KIF13A: variants seen among roughly 807,000 people sequenced by gnomAD.
The protein encoded by KIF13A is kinesin-like protein KIF13A.
In KIF13A, 79 loss-of-function variants were observed where a neutral mutation model predicts 212.2. The ratio of observed to expected loss-of-function variants is 0.37; its 90% confidence interval spans 0.31 to 0.45. The LOEUF is 0.45. KIF13A is among the 20% of genes least tolerant of loss of function. KIF13A has a pLI of 1.00. For synonymous variants in KIF13A, 789 were observed against 808.6 expected, an observed-to-expected ratio of 0.98 and a Z score of 0.41; for missense variants, 1,901 against 2,209.0, an observed-to-expected ratio of 0.86 and a Z score of 2.79.
chr6:17,917,235 CTTTTTTTTTTTTTTT>C (rs71002284), intron 2 of KIF13A, among the ~76,000 whole-genome samples: 3 of 79,098 alleles, frequency 3.8e-5, no homozygotes, highest in Non-Finnish European at 4.7e-5. Context: ...TTACACGATT[CTTTTTTTTTTTTTTT>C]TTTTTTTTGA....
chr6:17,979,173 G>C (rs1284405678), intron 2 of KIF13A, among the ~76,000 whole-genome samples: 1 of 152,072 alleles, frequency 6.6e-6, no homozygotes, highest in Non-Finnish European at 1.5e-5. Flanking sequence ...CACACCTGTA[G>C]TCCCAGCTAC....
Position 17,877,332 on chromosome 6 carries a change from T to A in KIF13A, c.160-3895A>T, listed in dbSNP as rs147558912. ...ACTCTGGTTTTATAATAACCAAGTT[T>A]CAAATGAACAGTTATGAAACAATAG... On this transcript the variant is annotated intron_variant, in intron 3 of 38. Coordinates refer to ENST00000259711, the MANE Select transcript of KIF13A (RefSeq NM_022113.6). Among the ~76,000 whole-genome samples, 851 of 152,324 alleles carry A rather than the reference T, an allele frequency of 5.6e-3. 13 individuals are homozygous for A. The highest frequency in any genetic ancestry group is 0.019 in the African/African-American group (788 of 41,576).
At chr6:17,965,164 A>C (rs535159457) in intron 2 of KIF13A, among the ~76,000 whole-genome samples, 1 of 152,274 alleles carries the variant, frequency 6.6e-6, no homozygotes, top group Non-Finnish European at 1.5e-5. Context: ...CATGTGTCCC[A>C]AATGAAAAGG....
chr6:17,973,034 T>C (rs996183172), intron 2 of KIF13A, among the ~76,000 whole-genome samples: 4 of 152,138 alleles, frequency 2.6e-5, no homozygotes, highest in African/African-American at 4.8e-5. Flanking sequence ...ACAGACACAC[T>C]AACCTGAGTT....
rs554960894 is a variant in KIF13A, at chr6:17,937,748, T to G, written c.147-39568A>C. On this transcript the variant is annotated intron_variant, in intron 2 of 38. Coordinates refer to ENST00000259711, the MANE Select transcript of KIF13A (RefSeq NM_022113.6). ...CCAGCTAATTTCTTTCCTTTTTTGTTTTTTTTTTTTTGTTTTTTTGAGACG... is the reference window on the plus strand; with the variant it reads ...CCAGCTAATTTCTTTCCTTTTTTGTGTTTTTTTTTTTGTTTTTTTGAGACG... 6.6e-4 allele frequency among the ~76,000 whole-genome samples: 81 copies of G among 122,602 alleles called. 1 individual carries two copies. In the South Asian group the frequency reaches 0.017, roughly 26 times the overall value. The allele number at this position is 122,602 out of a possible 152,430, so 80.4% of individuals were successfully genotyped here. A position where few individuals can be genotyped will look rare whatever the true frequency, so the allele number is the denominator to read the frequency against.
rs1321992621 is a variant in KIF13A, at chr6:17,915,322, A to G, written c.147-17142T>C. Among the ~76,000 whole-genome samples, 1 of 152,142 alleles carries G rather than the reference A, an allele frequency of 6.6e-6. No individual in the cohort carries two copies. Among genetic ancestry groups the G allele is most frequent in the East Asian group, 1.9e-4 (1 of 5,202 alleles). ...GTAGGGACCTTGGACCTGGTGCTTA[A>G]GCTCTCAGTGCCTCAGTTACCTCAC... is the stretch of plus-strand genomic sequence containing the variant. On this transcript the variant is annotated intron_variant, in intron 2 of 38. Coordinates refer to ENST00000259711, the MANE Select transcript of KIF13A (RefSeq NM_022113.6). This position sits in a 1 kb window ranked among gnomAD's most constrained non-coding sequence, Gnocchi z 4.4.
At chr6:17,920,608 T>C (rs535496828) in intron 2 of KIF13A, among the ~76,000 whole-genome samples, 1 of 152,308 alleles carries the variant, frequency 6.6e-6, no homozygotes, top group East Asian at 1.9e-4. Context: ...GTGCGGTGGC[T>C]CACGCCTGTA....
At chr6:17,937,710 C>CA in intron 2 of KIF13A, among the ~76,000 whole-genome samples, 1 of 151,612 alleles carries the variant, frequency 6.6e-6, no homozygotes, top group Non-Finnish European at 1.5e-5. Flanking sequence ...ACCACAGGTG[C>CA]AAGCCACCAT....
intron 7 of KIF13A, among the ~76,000 whole-genome samples, chr6:17,851,663 T>C (rs1376379324): frequency 6.6e-6 from 1 of 152,262 alleles, no homozygotes; most frequent in African/African-American, 2.4e-5. Context: ...TAGAAGGATG[T>C]CACTGGCATC....
rs1367448908 is a variant in KIF13A, at chr6:17,800,065, G to T, written c.2503C>A (p.Pro835Thr). Reference protein sequence around the residue: ...VEVMRVTGAVPERVVEDDSSE... With the variant: ...VEVMRVTGAVTERVVEDDSSE... ...GAGTCATCCTCCACCACACGCTCTG[G>T]AACAGCTCCTGTAACACGCATCACT... Residue 835 changes from proline (P) to threonine (T), a missense_variant, in exon 21 of 39, where the codon CCA becomes ACA. Physicochemically the swap from Pro to Thr is conservative, Grantham distance 38 (BLOSUM62 -1). Around this residue, in one of 5 missense-constraint regions of KIF13A, gnomAD observed 534 missense variants for 536.9 expected, o/e 0.99. Transcript: ENST00000259711. The T allele has an allele frequency of 1.2e-6, 2 of 1,613,768 alleles. No homozygotes were observed. The highest frequency in any genetic ancestry group is 2.2e-5 in the East Asian group (1 of 44,880).
In KIF13A at chr6:17,808,796, G is replaced by A. The variant is rs973933871; in HGVS notation, c.2135C>T (p.Pro712Leu). The change falls in exon 18 of 39, where the codon CCT becomes CTT. Residue 712 changes from proline to leucine, a missense_variant. Pro to Leu is a moderately conservative substitution (Grantham distance 98, BLOSUM62 -3). Coordinates refer to ENST00000259711, the MANE Select transcript of KIF13A (RefSeq NM_022113.6). ...LTDYQVTLQI[P>L]AANLSANRKR... ...CCTATTGGCACTGAGGTTTGCAGCA[G>A]GGATCTGAAGAGTCACTTGGTAATC... 6.2e-7 allele frequency: 1 copy of A among 1,613,542 alleles called. No individual in the cohort carries two copies. Among genetic ancestry groups the A allele is most frequent in the African/African-American group, 1.3e-5 (1 of 74,922 alleles).
Position 17,826,908 on chromosome 6 carries a change from A to AT in KIF13A, c.1533-785dup, listed in dbSNP as rs1033388671. On this transcript the variant is annotated intron_variant, in intron 14 of 38. Coordinates refer to ENST00000259711, the MANE Select transcript of KIF13A (RefSeq NM_022113.6). This position sits in a 1 kb window ranked among gnomAD's most constrained non-coding sequence, Gnocchi z 4.7. ...AAAATCTGGAATCTACTTTAAAATA[A>AT]TTTTTTTTTCTGGGCATGGTGGTGG... 2.6e-5 allele frequency among the ~76,000 whole-genome samples: 4 copies of AT among 151,044 alleles called. No individual in the cohort carries two copies. The highest frequency in any genetic ancestry group is 6.6e-5 in the Admixed American group (1 of 15,116).
chr6:17,928,061 A>G (rs1775646182), intron 2 of KIF13A, among the ~76,000 whole-genome samples: 1 of 152,224 alleles, frequency 6.6e-6, no homozygotes, highest in East Asian at 1.9e-4. Context: ...AGAAAATGCA[A>G]TATATGAAAG....
Position 17,773,609 on chromosome 6 carries a change from T to A in KIF13A, c.4219-26A>T. ...CTACAAGGTAAAAATATGGGTTAAC[T>A]GTAATTGAATCACTCCAAAATAAGA... On this transcript the variant is annotated intron_variant, in intron 35 of 38. Transcript: ENST00000259711. This position sits in a 1 kb window ranked among gnomAD's most constrained non-coding sequence, Gnocchi z 4.2. The A allele has an allele frequency of 7.4e-7, 1 of 1,343,134 alleles. No homozygotes were observed. 83.2% of individuals were successfully genotyped at this position (1,343,134 alleles called of 1,614,324 possible).
At chr6:17,962,339 ATAAAT>A (rs1171757517) in intron 2 of KIF13A, among the ~76,000 whole-genome samples, 1 of 152,144 alleles carries the variant, frequency 6.6e-6, no homozygotes, top group Non-Finnish European at 1.5e-5. Context: ...AAACATGGTA[ATAAAT>A]TGAAGAACAG....
chr6:17,819,653 T>TA (rs1764262907), intron 16 of KIF13A, among the ~76,000 whole-genome samples: 2 of 151,908 alleles, frequency 1.3e-5, no homozygotes, highest in African/African-American at 4.8e-5. Context: ...CCTGGGTGGG[T>TA]AAAATATTAT....
In KIF13A at chr6:17,769,640, G is replaced by T. The variant is rs1581856112; in HGVS notation, c.4581+1474C>A. ...CATCCAGCAGTGTCTTGATGGTGTT[G>T]TACCAAAATGTATCGTTGCAATAGG... On this transcript the variant is annotated intron_variant, in intron 38 of 38. Transcript: ENST00000259711. The surrounding 1 kb of genome is among the most constrained non-coding windows in gnomAD (Gnocchi z 5.8). 6.6e-6 allele frequency among the ~76,000 whole-genome samples: 1 copy of T among 152,170 alleles called. No homozygotes were observed.
At position 17,982,682 on chromosome 6, in the gene KIF13A, T is replaced by C. The variant is rs531502126; in HGVS notation, c.146+4372A>G. On this transcript the variant is annotated intron_variant, in intron 2 of 38. Transcript: ENST00000259711. The surrounding 1 kb of genome is among the most constrained non-coding windows in gnomAD (Gnocchi z 5.1). ...TTTGGAGTCTTACCTTACAATTCACTTACATAAAATAATTAAGAACAAAAA... is the reference window on the plus strand; with the variant it reads ...TTTGGAGTCTTACCTTACAATTCACCTACATAAAATAATTAAGAACAAAAA... Among the ~76,000 whole-genome samples the C allele has an allele frequency of 1.1e-3, 173 of 152,276 alleles. No individual in the cohort carries two copies. The highest frequency in any genetic ancestry group is 3.9e-3 in the African/African-American group (164 of 41,548).
intron 3 of KIF13A, among the ~76,000 whole-genome samples, chr6:17,876,178 T>C (rs1770541193): frequency 6.6e-6 from 1 of 152,092 alleles, no homozygotes; most frequent in South Asian, 2.1e-4. Context: ...TTGCCCTTTA[T>C]CTCTTGCAGT....
Sources: allele counts gnomAD v4.1 joint callset (sites outside exome capture counted in the v4.1 genomes callset), GRCh38; gene constraint gnomAD v4.1.1; regional missense constraint gnomAD v4.1.1; non-coding constraint Gnocchi (gnomAD v3.1); transcripts MANE v1.5; gene names NCBI Gene and HGNC (gene_info 2026-07-23, HGNC 2026-07-21).